DLGAP1: variants seen among roughly 807,000 people sequenced by gnomAD.
The protein encoded by DLGAP1 is disks large-associated protein 1.
In DLGAP1, 11 loss-of-function variants were observed where a neutral mutation model predicts 90.8. The observed-to-expected ratio is 0.12, with a 90% CI of 0.08 to 0.20. DLGAP1 has a LOEUF of 0.20. DLGAP1 is among the 10% of genes least tolerant of loss of function. DLGAP1 has a pLI of 1.00. For synonymous variants in DLGAP1, 558 were observed against 540.7 expected, an observed-to-expected ratio of 1.03 and a Z score of -0.44; for missense variants, 1,050 against 1,333.8, an observed-to-expected ratio of 0.79 and a Z score of 3.31.
At chr18:3,733,754 A>G (rs2062532614) in intron 6 of DLGAP1, among the ~76,000 whole-genome samples, 1 of 152,162 alleles carries the variant, frequency 6.6e-6, no homozygotes, top group Non-Finnish European at 1.5e-5. Flanking sequence ...CATGCTTATA[A>G]CAGTTTGTAT....
At chr18:3,981,184 G>A (rs546916478) in intron 3 of DLGAP1, among the ~76,000 whole-genome samples, 6 of 152,322 alleles carry the variant, frequency 3.9e-5, no homozygotes, top group African/African-American at 9.6e-5. Flanking sequence ...CCCATCAGAC[G>A]AAAGGGTATT....
At chr18:3,918,254 C>T (rs2072189863) in intron 3 of DLGAP1, among the ~76,000 whole-genome samples, 1 of 152,164 alleles carries the variant, frequency 6.6e-6, no homozygotes, top group Admixed American at 6.5e-5. Context: ...ATTCCAATAT[C>T]GTGTCTGTTG....
chr18:4,213,170 C>A (rs775459472), intron 1 of DLGAP1, among the ~76,000 whole-genome samples: 3 of 152,114 alleles, frequency 2.0e-5, no homozygotes, highest in Non-Finnish European at 2.9e-5. Context: ...GATGCCAAAG[C>A]AAATTGGGGC....
intron 2 of DLGAP1, among the ~76,000 whole-genome samples, chr18:4,048,684 G>A (rs1344314884): frequency 6.6e-6 from 1 of 152,192 alleles, no homozygotes. Context: ...GGGAGGGTAT[G>A]GGGACAATTC....
intron 1 of DLGAP1, among the ~76,000 whole-genome samples, chr18:4,180,978 C>G (rs1031134948): frequency 7.3e-6 from 1 of 137,414 alleles, no homozygotes; most frequent in African/African-American, 2.8e-5. Context: ...CCAAGGACTT[C>G]TACTAATGGA....
At chr18:4,028,580 C>G (rs1238129624) in intron 2 of DLGAP1, among the ~76,000 whole-genome samples, 1 of 152,092 alleles carries the variant, frequency 6.6e-6, no homozygotes, top group Non-Finnish European at 1.5e-5. Flanking sequence ...ATACCTTATT[C>G]CATAAATATA....
At chr18:3,790,783 C>A (rs1427969145) in intron 5 of DLGAP1, among the ~76,000 whole-genome samples, 1 of 151,922 alleles carries the variant, frequency 6.6e-6, no homozygotes, top group Non-Finnish European at 1.5e-5. Flanking sequence ...GCATTTGTGG[C>A]GGCAGGCAGT....
rs181920294 is a variant in DLGAP1 at position 4,009,751 on chromosome 18, T to C, written c.-158-4550A>G. Among the ~76,000 whole-genome samples, 152 of 152,234 alleles carry C rather than the reference T, an allele frequency of 1.0e-3. 1 individual carries two copies. The highest frequency in any genetic ancestry group is 3.3e-3 in the African/African-American group (138 of 41,564). On this transcript the variant is annotated intron_variant, in intron 2 of 12. Coordinates refer to ENST00000315677, the MANE Select transcript of DLGAP1 (RefSeq NM_004746.4). The stretch of plus-strand genomic sequence containing the variant: ...CCATGGTAGGGATGGGTTTGTTTAG[T>C]AGTGATTTCAAGCTGAAGAATGACA...
chr18:3,995,743 G>C (rs2074056726), intron 3 of DLGAP1: 2 of 149,900 alleles, frequency 1.3e-5, no homozygotes, highest in South Asian at 4.2e-4. Context: ...AAACCACCAA[G>C]ATTTACTTTC....
chr18:3,896,657 C>T (rs1435041750), intron 3 of DLGAP1: 2 of 152,272 alleles, frequency 1.3e-5, no homozygotes, highest in Non-Finnish European at 2.9e-5. Flanking sequence ...GTGCTGAGTA[C>T]TGTGGACTGA....
At chr18:3,608,665 T>C (rs2057442501) in intron 7 of DLGAP1, among the ~76,000 whole-genome samples, 2 of 152,182 alleles carry the variant, frequency 1.3e-5, no homozygotes, top group African/African-American at 4.8e-5. Flanking sequence ...GAGGGAATGC[T>C]CTGACCTATC....
chr18:4,306,099 A>G (rs1003082579), intron 1 of DLGAP1, among the ~76,000 whole-genome samples: 1 of 151,360 alleles, frequency 6.6e-6, no homozygotes, highest in Non-Finnish European at 1.5e-5. Context: ...AGAGAGAGAG[A>G]GAGGGAGAGA....
chr18:4,450,639 A>G (rs916716618), intron 1 of DLGAP1, among the ~76,000 whole-genome samples: 3 of 152,324 alleles, frequency 2.0e-5, no homozygotes, highest in Middle Eastern at 3.4e-3. Flanking sequence ...CTGAATATTA[A>G]GAAAACCTGG....
At chr18:3,728,242 T>A (rs1197077708) in intron 7 of DLGAP1, among the ~76,000 whole-genome samples, 1 of 150,598 alleles carries the variant, frequency 6.6e-6, no homozygotes, top group African/African-American at 2.4e-5. Context: ...TTATGCTGAG[T>A]TCAATCATAA....
chr18:3,745,368 C>T (rs1388362237), intron 5 of DLGAP1, among the ~76,000 whole-genome samples: 1 of 152,062 alleles, frequency 6.6e-6, no homozygotes, highest in African/African-American at 2.4e-5. Flanking sequence ...TTCCACAAAA[C>T]CGTTGTAAAA....
intron 1 of DLGAP1, among the ~76,000 whole-genome samples, chr18:4,170,292 T>G (rs2077000936): frequency 6.6e-6 from 1 of 152,162 alleles, no homozygotes; most frequent in Non-Finnish European, 1.5e-5. Flanking sequence ...GGAGTTCCAT[T>G]TACTTTGATG....
intron 7 of DLGAP1, among the ~76,000 whole-genome samples, chr18:3,725,183 G>A (rs1039919392): frequency 7.9e-5 from 12 of 152,068 alleles, no homozygotes; most frequent in South Asian, 4.1e-4. Flanking sequence ...GTATTTGGCC[G>A]GATGTGTGAT....
At chr18:4,221,888 A>C (rs2078085015) in intron 1 of DLGAP1, among the ~76,000 whole-genome samples, 1 of 152,168 alleles carries the variant, frequency 6.6e-6, no homozygotes, top group African/African-American at 2.4e-5. Context: ...GATCTCTCTA[A>C]GCAGCATTTC....
At chr18:3,768,899 A>G (rs186968346) in intron 5 of DLGAP1, among the ~76,000 whole-genome samples, 2 of 152,322 alleles carry the variant, frequency 1.3e-5, no homozygotes, top group East Asian at 3.9e-4. Context: ...AGAATGATCC[A>G]TAAAGTGAAA....
Sources: gnomAD v4.1 joint callset for allele counts (sites outside exome capture counted in the v4.1 genomes callset) on GRCh38, gnomAD v4.1.1 for gene constraint, MANE v1.5 for transcripts, NCBI Gene and HGNC (gene_info 2026-07-23, HGNC 2026-07-21) for gene names.